Variants in ABCA9 observed in about 807,000 individuals in gnomAD.
ABCA9 encodes ATP-binding cassette sub-family A member 9.
In ABCA9, 183 loss-of-function variants were observed where a neutral mutation model predicts 205.3. The ratio of observed to expected loss-of-function variants is 0.89; its 90% confidence interval spans 0.79 to 1.01. ABCA9 has a LOEUF of 1.01. Among genes scored for constraint, ABCA9 ranks in the 50% least tolerant of loss-of-function variants. The probability of loss-of-function intolerance (pLI) is 0.00; values close to 1 mark genes in which losing one functional copy is unlikely to be tolerated. For missense variants in ABCA9, 1,805 were observed against 1,912.4 expected, an observed-to-expected ratio of 0.94 and a Z score of 1.05; for synonymous variants, 651 against 683.3, an observed-to-expected ratio of 0.95 and a Z score of 0.74.
chr17:69,004,950 G>A (rs1213301582), intron 25 of ABCA9, among the ~76,000 whole-genome samples: 3 of 152,066 alleles, frequency 2.0e-5, no homozygotes, highest in Admixed American at 6.5e-5. Flanking sequence ...TGCGCTTCCC[G>A]AGTGAGGCAA....
intron 29 of ABCA9, among the ~76,000 whole-genome samples, chr17:68,990,438 A>G (rs899104351): frequency 1.3e-5 from 2 of 152,248 alleles, no homozygotes; most frequent in African/African-American, 4.8e-5. Context: ...CTAGGGTGCA[A>G]TGGTGCAAGT....
intron 32 of ABCA9, 39 bp downstream of exon 32, chr17:68,986,125 C>T (rs1217528136): frequency 1.9e-6 from 3 of 1,560,780 alleles, no homozygotes; most frequent in Admixed American, 1.9e-5. Context: ...AATACAACAT[C>T]CCCTCCAGCA....
intron 1 of ABCA9, among the ~76,000 whole-genome samples, chr17:69,059,714 A>G (rs1262902135): frequency 6.6e-6 from 1 of 150,518 alleles, no homozygotes; most frequent in African/African-American, 2.5e-5. Flanking sequence ...ACATGGGGGC[A>G]GGGTTGGGGG....
rs767817009 is a variant in ABCA9, at chr17:69,044,603, T to A, written c.470-3A>T. On this transcript the variant is annotated splice_polypyrimidine_tract_variant and splice_region_variant and intron_variant, in intron 4 of 38. Transcript: ENST00000340001. ...TTCATTCACTGCTTGACAGTGAGCT[T>A]TAGAAGAAGAACACATCCATTATTA... 6.2e-7 allele frequency: 1 copy of A among 1,611,212 alleles called. No homozygotes were observed. The highest frequency in any genetic ancestry group is 1.1e-5 in the South Asian group (1 of 90,970).
At chr17:69,061,820 T>C (rs1239061859), upstream of ABCA9, among the ~76,000 whole-genome samples, 1 of 152,194 alleles carries the variant, frequency 6.6e-6, no homozygotes, top group Non-Finnish European at 1.5e-5. Flanking sequence ...AGTTCATCTT[T>C]GGCTGAAGAA....
intron 22 of ABCA9, 93 bp from the exon 23 acceptor site, chr17:69,012,176 GC>G: frequency 1.2e-5 from 10 of 847,352 alleles, no homozygotes; most frequent in Non-Finnish European, 7.2e-6. Context: ...AATGAATTGA[GC>G]TGATCACTCA....
chr17:69,016,821 T>C lies in ABCA9; in HGVS notation c.2902-431A>G, dbSNP rs2070633978. On this transcript the variant is annotated intron_variant, in intron 21 of 38. Transcript: ENST00000340001. The stretch of plus-strand genomic sequence containing the variant: ...TGAAAGTATAGGTTTTCATAAATCC[T>C]GTGCTTACTTGTAAAGTCTCCCTTA... Among the ~76,000 whole-genome samples the C allele has an allele frequency of 2.0e-5, 3 of 152,122 alleles. No homozygotes were observed. In the South Asian group the frequency reaches 6.2e-4, roughly 32 times the overall value.
intron 6 of ABCA9, among the ~76,000 whole-genome samples, chr17:69,036,755 G>A (rs764146472): frequency 1.3e-5 from 2 of 150,104 alleles, no homozygotes; most frequent in Admixed American, 1.3e-4. Context: ...TTGCCGAATT[G>A]GATAAAGAGT....
chr17:68,990,435 G>A (rs1181354502), intron 29 of ABCA9, among the ~76,000 whole-genome samples: 1 of 152,240 alleles, frequency 6.6e-6, no homozygotes, highest in Admixed American at 6.5e-5. Context: ...AAACTAGGGT[G>A]CAATGGTGCA....
the ABCA9 span, among the ~76,000 whole-genome samples, chr17:69,069,401 G>C: frequency 1.6e-4 from 24 of 152,236 alleles, no homozygotes; most frequent in African/African-American, 5.8e-4. Context: ...AAACAGGTGA[G>C]TGTAACTGGA....
chr17:69,029,755 C>A (rs1252508729), intron 10 of ABCA9, among the ~76,000 whole-genome samples: 1 of 152,050 alleles, frequency 6.6e-6, no homozygotes, highest in African/African-American at 2.4e-5. Context: ...AATTATCACA[C>A]AGAGTTGGAA....
chr17:69,049,261 T>C, intron 3 of ABCA9, 22 bp downstream of exon 3: 1 of 1,551,734 alleles, frequency 6.4e-7, no homozygotes, highest in Non-Finnish European at 8.8e-7. Flanking sequence ...AGGAAATTAC[T>C]ATGAACAACC....
chr17:69,022,949 C>G (rs1339164219), intron 17 of ABCA9, among the ~76,000 whole-genome samples: 1 of 152,232 alleles, frequency 6.6e-6, no homozygotes, highest in African/African-American at 2.4e-5. Flanking sequence ...CTCCAAATTT[C>G]TCATCCACTT....
chr17:69,060,347 A>C (rs2072202534), intron 1 of ABCA9, among the ~76,000 whole-genome samples: 1 of 152,186 alleles, frequency 6.6e-6, no homozygotes, highest in Non-Finnish European at 1.5e-5. Flanking sequence ...AATTTGTTGC[A>C]CTGGGCAACA....
At chr17:69,018,865 G>T (rs1313363093) in intron 19 of ABCA9, among the ~76,000 whole-genome samples, 1 of 151,972 alleles carries the variant, frequency 6.6e-6, no homozygotes, top group Non-Finnish European at 1.5e-5. Context: ...CTAACTCATT[G>T]CCTTATTTCA....
chr17:69,045,428 T>C, intron 3 of ABCA9, 92 bp from the exon 4 acceptor site: 1 of 1,011,794 alleles, frequency 9.9e-7, no homozygotes, highest in East Asian at 5.2e-5. Flanking sequence ...ATGTTAAAGC[T>C]ATTCCTTCCT....
At chr17:69,061,691 C>T (rs1349123844), upstream of ABCA9, among the ~76,000 whole-genome samples, 1 of 152,194 alleles carries the variant, frequency 6.6e-6, no homozygotes, top group Non-Finnish European at 1.5e-5. Context: ...TTAGTATGTC[C>T]TGCTTTCCAG....
chr17:69,005,089 G>A (rs552676856), intron 25 of ABCA9, among the ~76,000 whole-genome samples: 2 of 152,286 alleles, frequency 1.3e-5, no homozygotes, highest in East Asian at 1.9e-4. Flanking sequence ...CTTCTGCGTC[G>A]CTCAGGCTGG....
chr17:69,045,359 GAAAT>G, intron 3 of ABCA9, 23 bp from the exon 4 acceptor site: 3 of 1,591,656 alleles, frequency 1.9e-6, no homozygotes, highest in Non-Finnish European at 2.6e-6. Context: ...GAAAACAAAA[GAAAT>G]AGTTAAGCAA....
Sources: allele counts gnomAD v4.1 joint callset (sites outside exome capture counted in the v4.1 genomes callset), GRCh38; gene constraint gnomAD v4.1.1; transcripts MANE v1.5; gene names NCBI Gene and HGNC (gene_info 2026-07-23, HGNC 2026-07-21).